The following SNX29 variants were observed in gnomAD, a reference collection of about 807,000 sequenced individuals.
SNX29 encodes the protein sorting nexin-29.
SNX29 carries 78 observed loss-of-function variants against 102.1 expected under a neutral mutation model. The observed-to-expected ratio is 0.76, with a 90% CI of 0.64 to 0.92. The LOEUF (loss-of-function observed/expected upper bound fraction) is 0.92, where lower values mean the gene tolerates loss of function less well. SNX29 is among the 40% of genes least tolerant of loss of function. SNX29 has a pLI of 0.00. For synonymous variants in SNX29, 580 were observed against 414.5 expected (o/e 1.40, Z -4.85); for missense variants, 1,280 against 1,061.7 (o/e 1.21, Z -2.86).
At chr16:12,498,122 A>G (rs1400950665) in intron 19 of SNX29, among the ~76,000 whole-genome samples, 1 of 152,234 alleles carries the variant, frequency 6.6e-6, no homozygotes, top group African/African-American at 2.4e-5. Flanking sequence ...GATAAGCAGC[A>G]TTCAGCTATT....
chr16:12,404,242 G>A (rs777542324), intron 18 of SNX29, among the ~76,000 whole-genome samples: 1 of 152,182 alleles, frequency 6.6e-6, no homozygotes, highest in Non-Finnish European at 1.5e-5. Flanking sequence ...CTTGGGGTAC[G>A]GATAGCCGCA....
At chr16:12,383,408 A>G (rs2083241208) in intron 16 of SNX29, among the ~76,000 whole-genome samples, 2 of 152,212 alleles carry the variant, frequency 1.3e-5, no homozygotes, top group South Asian at 2.1e-4. Context: ...TAACACTGTT[A>G]ATAGTGTAGC....
At chr16:12,273,352 T>C (rs2079148248) in intron 14 of SNX29, among the ~76,000 whole-genome samples, 1 of 149,332 alleles carries the variant, frequency 6.7e-6, no homozygotes, top group Non-Finnish European at 1.5e-5. Flanking sequence ...GTTTTTTTTT[T>C]TTTGTTGTTG....
chr16:12,499,008 G>C (rs1248721701), intron 19 of SNX29, among the ~76,000 whole-genome samples: 1 of 152,144 alleles, frequency 6.6e-6, no homozygotes, highest in Non-Finnish European at 1.5e-5. Context: ...TCTTTTTAGG[G>C]AGCTGGAAAA....
intron 18 of SNX29, among the ~76,000 whole-genome samples, chr16:12,476,399 T>C (rs11863135): frequency 1.2e-4 from 2 of 16,304 alleles, no homozygotes; most frequent in African/African-American, 7.6e-4. Context: ...TATATATATA[T>C]ATATATATAT....
intron 20 of SNX29, among the ~76,000 whole-genome samples, chr16:12,554,134 C>G (rs1179772953): frequency 1.3e-5 from 2 of 152,240 alleles, no homozygotes; most frequent in African/African-American, 2.4e-5. Flanking sequence ...AGCCTGGATG[C>G]TTTGCTCTTT....
At chr16:12,299,016 A>T (rs1266879438) in intron 15 of SNX29, among the ~76,000 whole-genome samples, 1 of 147,672 alleles carries the variant, frequency 6.8e-6, no homozygotes, top group Non-Finnish European at 1.5e-5. Context: ...AAAAAAAAAT[A>T]GGGCTGGGCA....
At position 11,990,631 on chromosome 16, in the gene SNX29, C is replaced by T. The variant is rs529965307; in HGVS notation, c.8-8666C>T. 3.7e-4 allele frequency among the ~76,000 whole-genome samples: 57 copies of T among 152,194 alleles called. No homozygotes were observed. The South Asian group carries it at 0.011, about 30-fold the overall frequency. On this transcript the variant is annotated intron_variant, in intron 1 of 20. Transcript: ENST00000566228. ...AAAGTCATCATTGGGCTGGTAGCGC[C>T]GGGCATCCCAGATGCCCGCCAGTGT... is the stretch of plus-strand genomic sequence containing the variant.
rs566191943 is a variant in SNX29, at chr16:12,043,855, C to T, written c.428+778C>T. 5.9e-5 allele frequency among the ~76,000 whole-genome samples: 9 copies of T among 152,220 alleles called. No individual in the cohort carries two copies. In the South Asian group the frequency reaches 1.0e-3, roughly 18 times the overall value. On this transcript the variant is annotated intron_variant, in intron 5 of 20. Transcript: ENST00000566228. ...TGCAACCTCCGTCTCCTAGTTCGAG[C>T]GATTCTCCTGCCTCAGCCTCCTGAG...
At chr16:12,124,355 C>CA (rs5815668) in intron 11 of SNX29, among the ~76,000 whole-genome samples, 64,112 of 130,032 alleles carry the variant, frequency 0.49, 15,539 homozygotes, top group East Asian at 0.72. Context: ...GACTCCGTCT[C>CA]AAAAAAAAAA....
At chr16:12,308,668 G>A (rs1290379609) in intron 15 of SNX29, among the ~76,000 whole-genome samples, 3 of 152,168 alleles carry the variant, frequency 2.0e-5, no homozygotes, top group African/African-American at 4.8e-5. Flanking sequence ...GCAGACTCTT[G>A]CAATGCCTGT....
At chr16:12,108,396 C>T (rs551738629) in intron 11 of SNX29, among the ~76,000 whole-genome samples, 1 of 152,320 alleles carries the variant, frequency 6.6e-6, no homozygotes, top group Non-Finnish European at 1.5e-5. Context: ...CTGGGCTGGA[C>T]TTGACCATGG....
chr16:12,288,959 A>G (rs1366014596), intron 15 of SNX29, among the ~76,000 whole-genome samples: 1 of 152,186 alleles, frequency 6.6e-6, no homozygotes, highest in African/African-American at 2.4e-5. Flanking sequence ...CTGACTAGAA[A>G]CAGGAATCAG....
intron 20 of SNX29, among the ~76,000 whole-genome samples, chr16:12,537,657 C>G (rs986229473): frequency 6.6e-6 from 1 of 152,108 alleles, no homozygotes; most frequent in Non-Finnish European, 1.5e-5. Flanking sequence ...AGTTGTTTGC[C>G]CTACTTCATG....
At chr16:12,076,950 C>G (rs565473911) in intron 10 of SNX29, among the ~76,000 whole-genome samples, 1 of 152,254 alleles carries the variant, frequency 6.6e-6, no homozygotes, top group African/African-American at 2.4e-5. Context: ...CAGACCCTTC[C>G]AGGGGGTGGA....
chr16:12,461,489 C>G (rs533773003), intron 18 of SNX29, among the ~76,000 whole-genome samples: 1 of 152,322 alleles, frequency 6.6e-6, no homozygotes, highest in South Asian at 2.1e-4. Context: ...GAAACTTATT[C>G]TGTTCTTAAA....
chr16:12,527,155 C>G (rs895893105), intron 20 of SNX29: 1 of 519,818 alleles, frequency 1.9e-6, no homozygotes, highest in South Asian at 1.6e-5. Context: ...CCTTCTCCTT[C>G]TTCCTTTTTG....
At chr16:12,368,501 AC>A (rs534061673) in intron 16 of SNX29, among the ~76,000 whole-genome samples, 103 of 152,368 alleles carry the variant, frequency 6.8e-4, no homozygotes, top group Admixed American at 1.4e-3. Context: ...GAGGAAGACT[AC>A]GGAGATGTAG....
chr16:12,021,572 G>A (rs1026255256), intron 3 of SNX29, among the ~76,000 whole-genome samples: 1 of 152,082 alleles, frequency 6.6e-6, no homozygotes, highest in Admixed American at 6.6e-5. Flanking sequence ...TAATAGATTC[G>A]TGTGCAGATT....
Sources: gnomAD v4.1 joint callset for allele counts (sites outside exome capture counted in the v4.1 genomes callset) on GRCh38, gnomAD v4.1.1 for gene constraint, MANE v1.5 for transcripts, NCBI Gene and HGNC (gene_info 2026-07-23, HGNC 2026-07-21) for gene names.